The following SPAG16 variants were observed in gnomAD, a reference collection of about 807,000 sequenced individuals.
SPAG16 encodes sperm associated antigen 16.
SPAG16 carries 86 observed loss-of-function variants against 80.4 expected under a neutral mutation model. The ratio of observed to expected loss-of-function variants is 1.07; its 90% CI spans 0.90 to 1.28. SPAG16 has a LOEUF of 1.28. Ranked by LOEUF, SPAG16 falls within the 50% of genes most tolerant of loss-of-function variation. SPAG16 has a pLI of 0.00. For missense variants in SPAG16, 870 were observed against 765.3 expected, an observed-to-expected ratio of 1.14 and a Z score of -1.61; for synonymous variants, 294 against 265.9, an observed-to-expected ratio of 1.11 and a Z score of -1.03.
chr2:213,300,793 A>C lies in SPAG16; in HGVS notation c.279+3436A>C, dbSNP rs183729365. Among the ~76,000 whole-genome samples the C allele has an allele frequency of 1.3e-4, 20 of 152,280 alleles. No individual in the cohort carries two copies. The East Asian group carries it at 3.1e-3, about 23-fold the overall frequency. On this transcript the variant is annotated intron_variant, in intron 3 of 15. Transcript: ENST00000331683. ...AATTCTTGATAGGTATAACTCAGAT[A>C]AATAAGTGCTGTCTGGAGTACTCAA... is the stretch of plus-strand genomic sequence containing the variant.
chr2:213,286,393 A>C (rs140797736), intron 1 of SPAG16, among the ~76,000 whole-genome samples: 1 of 152,028 alleles, frequency 6.6e-6, no homozygotes, highest in Non-Finnish European at 1.5e-5. Flanking sequence ...AGTCATTTCA[A>C]CTCTCAGTTG....
chr2:213,574,201 A>G (rs1253955978), intron 10 of SPAG16, among the ~76,000 whole-genome samples: 2 of 152,130 alleles, frequency 1.3e-5, no homozygotes, highest in African/African-American at 2.4e-5. Flanking sequence ...AAAACTGTCT[A>G]ATCTTGTTTA....
intron 10 of SPAG16, among the ~76,000 whole-genome samples, chr2:213,639,319 T>A (rs2062497047): frequency 6.6e-6 from 1 of 152,184 alleles, no homozygotes; most frequent in South Asian, 2.1e-4. Flanking sequence ...TTTTGTATTG[T>A]GTTGTTGTTT....
intron 14 of SPAG16, among the ~76,000 whole-genome samples, chr2:214,110,109 T>C (rs2053588858): frequency 6.6e-6 from 1 of 152,102 alleles, no homozygotes; most frequent in Admixed American, 6.6e-5. Flanking sequence ...ATAACAGATA[T>C]GAGGTTTAGG....
chr2:213,371,414 A>AAAAG (rs1553640232), intron 8 of SPAG16, among the ~76,000 whole-genome samples: 1 of 131,598 alleles, frequency 7.6e-6, no homozygotes, highest in African/African-American at 2.7e-5. Context: ...AAAAAAAAAA[A>AAAAG]AAAAGAAAAG....
intron 15 of SPAG16, among the ~76,000 whole-genome samples, chr2:214,323,360 A>G (rs889937242): frequency 1.3e-5 from 2 of 151,642 alleles, no homozygotes; most frequent in Non-Finnish European, 2.9e-5. Flanking sequence ...ATTTATTTAA[A>G]GGGATTATGC....
At chr2:213,956,726 C>G (rs932019968) in intron 12 of SPAG16, among the ~76,000 whole-genome samples, 1 of 152,090 alleles carries the variant, frequency 6.6e-6, no homozygotes, top group Non-Finnish European at 1.5e-5. Context: ...GCTGGGATTA[C>G]AGGTGTGAGC....
chr2:213,735,414 A>G (rs1358707388), intron 10 of SPAG16, among the ~76,000 whole-genome samples: 2 of 152,160 alleles, frequency 1.3e-5, no homozygotes, highest in African/African-American at 4.8e-5. Context: ...CCTATAGAAG[A>G]GTATTTCTCA....
At chr2:213,446,063 G>A (rs868255273) in intron 9 of SPAG16, among the ~76,000 whole-genome samples, 10 of 152,116 alleles carry the variant, frequency 6.6e-5, no homozygotes, top group Non-Finnish European at 1.3e-4. Flanking sequence ...AAACCCTAAA[G>A]AGCATCAAAG....
At chr2:213,976,194 G>GTA (rs540049263) in intron 12 of SPAG16, among the ~76,000 whole-genome samples, 2 of 148,206 alleles carry the variant, frequency 1.3e-5, no homozygotes, top group Non-Finnish European at 1.5e-5. Flanking sequence ...GTGCGTATGT[G>GTA]TATATATACA....
At chr2:214,341,327 A>AT (rs1254756823) in intron 15 of SPAG16, among the ~76,000 whole-genome samples, 1 of 150,938 alleles carries the variant, frequency 6.6e-6, no homozygotes, top group Non-Finnish European at 1.5e-5. Context: ...AAAAATTAAA[A>AT]GAGAGGGAGG....
intron 3 of SPAG16, 63 bp downstream of exon 3, chr2:213,297,420 G>A (rs911963653): frequency 6.0e-5 from 60 of 999,780 alleles, no homozygotes; most frequent in Middle Eastern, 2.1e-4. Flanking sequence ...ATGAAGTTTG[G>A]AAAGTCTTTT....
At chr2:213,725,976 A>G (rs2066752131) in intron 10 of SPAG16, among the ~76,000 whole-genome samples, 1 of 152,192 alleles carries the variant, frequency 6.6e-6, no homozygotes, top group African/African-American at 2.4e-5. Flanking sequence ...CCATGTCAAG[A>G]GAGATCTCTT....
chr2:214,274,226 C>G (rs938566071), intron 15 of SPAG16, among the ~76,000 whole-genome samples: 2 of 152,182 alleles, frequency 1.3e-5, no homozygotes, highest in African/African-American at 4.8e-5. Flanking sequence ...AATATACAAT[C>G]ATGTCATCTG....
intron 10 of SPAG16, among the ~76,000 whole-genome samples, chr2:213,513,628 C>T (rs981639807): frequency 3.3e-5 from 5 of 152,078 alleles, no homozygotes; most frequent in African/African-American, 1.2e-4. Context: ...GTTTTATGGC[C>T]AGCCCTGGGA....
At chr2:213,803,727 T>A (rs72937235) in intron 10 of SPAG16, among the ~76,000 whole-genome samples, 7,284 of 152,228 alleles carry the variant, frequency 0.048, 230 homozygotes, top group Middle Eastern at 0.11. Flanking sequence ...TAACTTTTTT[T>A]AAAAATGTAT....
chr2:214,149,361 A>G (rs1024207327), intron 15 of SPAG16, 95 bp downstream of exon 15: 2 of 1,207,206 alleles, frequency 1.7e-6, no homozygotes, highest in Non-Finnish European at 1.1e-6. Context: ...ATGTATTTCT[A>G]CGTAAATGTC....
At chr2:214,106,869 C>A (rs1217757883) in intron 13 of SPAG16, among the ~76,000 whole-genome samples, 1 of 152,154 alleles carries the variant, frequency 6.6e-6, no homozygotes, top group Non-Finnish European at 1.5e-5. Context: ...TACTTGGAGA[C>A]ATTTGCTCTA....
At chr2:213,639,403 GA>G (rs1409982780) in intron 10 of SPAG16, among the ~76,000 whole-genome samples, 2 of 152,160 alleles carry the variant, frequency 1.3e-5, no homozygotes, top group Non-Finnish European at 2.9e-5. Flanking sequence ...TCAAGATTTA[GA>G]GCTCCTTTTA....
Sources: allele counts gnomAD v4.1 joint callset (sites outside exome capture counted in the v4.1 genomes callset), GRCh38; gene constraint gnomAD v4.1.1; transcripts MANE v1.5; gene names NCBI Gene and HGNC (gene_info 2026-07-23, HGNC 2026-07-21).